Variants in CMPK1 observed in about 807,000 individuals in gnomAD.
The protein encoded by CMPK1 is UMP-CMP kinase.
Under a neutral mutation model 25.7 loss-of-function variants are expected in CMPK1, and 10 were observed. The observed-to-expected ratio is 0.39, with a 90% CI of 0.24 to 0.66. The LOEUF (loss-of-function observed/expected upper bound fraction) is 0.66, where lower values mean the gene tolerates loss of function less well. CMPK1 is among the 30% of genes least tolerant of loss of function. CMPK1 has a pLI of 0.48. For synonymous variants in CMPK1, 106 were observed against 101.5 expected (o/e 1.04, Z -0.27); for missense variants, 199 against 280.5 (o/e 0.71, Z 2.08).
intron 2 of CMPK1, among the ~76,000 whole-genome samples, chr1:47,370,003 C>T (rs1393665596): frequency 1.5e-5 from 2 of 131,208 alleles, no homozygotes; most frequent in African/African-American, 2.5e-5. Flanking sequence ...CAAGCTCCGC[C>T]TCCTGGGTTC....
intron 1 of CMPK1, among the ~76,000 whole-genome samples, chr1:47,355,474 C>T (rs1394143529): frequency 6.0e-5 from 9 of 151,254 alleles, no homozygotes; most frequent in Admixed American, 1.3e-4. Context: ...ACCACTATGC[C>T]CAGCTAATTT....
At chr1:47,360,956 A>G (rs1047211948) in intron 1 of CMPK1, among the ~76,000 whole-genome samples, 1 of 152,118 alleles carries the variant, frequency 6.6e-6, no homozygotes, top group Non-Finnish European at 1.5e-5. Context: ...AGGGCTTAAT[A>G]TTATATAGTA....
At chr1:47,341,130 T>G (rs992107913) in intron 1 of CMPK1, among the ~76,000 whole-genome samples, 1 of 152,190 alleles carries the variant, frequency 6.6e-6, no homozygotes, top group East Asian at 1.9e-4. Flanking sequence ...TTTTAAGTTA[T>G]AAGAGTAACA....
Position 47,369,048 on chromosome 1 carries a change from C to T in CMPK1, c.318+433C>T, listed in dbSNP as rs773627130. Among the ~76,000 whole-genome samples the T allele has an allele frequency of 1.2e-4, 18 of 152,298 alleles. No individual in the cohort carries two copies. In the South Asian group the frequency reaches 1.2e-3, roughly 11 times the overall value. ...TTTGAGACAGTGTCTTTGTCACCCA[C>T]GCTGGTGTGCAGTGTCCTGATCACA... On this transcript the variant is annotated intron_variant, in intron 2 of 5. Coordinates refer to ENST00000371873, the MANE Select transcript of CMPK1 (RefSeq NM_016308.3).
chr1:47,356,457 A>G lies in CMPK1; in HGVS notation c.172-12012A>G, dbSNP rs1646561484. Among the ~76,000 whole-genome samples the G allele has an allele frequency of 4.6e-5, 7 of 152,150 alleles. No individual in the cohort carries two copies. In the South Asian group the frequency reaches 1.5e-3, roughly 32 times the overall value. ...AAGGGACAAGTCCTCATTTGTAGTT[A>G]TTAATATTATTTCAGTTTTGGCCAT... On this transcript the variant is annotated intron_variant, in intron 1 of 5. Transcript: ENST00000371873.
intron 1 of CMPK1, among the ~76,000 whole-genome samples, chr1:47,347,139 C>T (rs568053446): frequency 1.3e-5 from 2 of 151,444 alleles, no homozygotes; most frequent in East Asian, 1.9e-4. Flanking sequence ...TCCTTTCTTC[C>T]CTCCTTCCCT....
intron 1 of CMPK1, among the ~76,000 whole-genome samples, chr1:47,340,149 G>A (rs1377718116): frequency 6.7e-6 from 1 of 149,512 alleles, no homozygotes; most frequent in African/African-American, 2.5e-5. Flanking sequence ...TGGCACAATC[G>A]TGGCTCATTC....
intron 1 of CMPK1, among the ~76,000 whole-genome samples, chr1:47,352,198 G>A (rs1009902783): frequency 6.6e-6 from 1 of 152,064 alleles, no homozygotes; most frequent in African/African-American, 2.4e-5. Context: ...TCTTCTTATC[G>A]AGCTGTAAGA....
chr1:47,374,620 T>C (rs757803528), intron 3 of CMPK1, among the ~76,000 whole-genome samples: 25 of 151,970 alleles, frequency 1.6e-4, no homozygotes, highest in Non-Finnish European at 1.0e-4. Context: ...ATATCTGAGA[T>C]GGAATCATAC....
Position 47,361,321 on chromosome 1 carries a change from G to A in CMPK1, c.172-7148G>A, listed in dbSNP as rs185793742. Among the ~76,000 whole-genome samples the A allele has an allele frequency of 5.2e-3, 798 of 152,262 alleles. 2 individuals are homozygous for A. Among genetic ancestry groups the A allele is most frequent in the East Asian group, 0.031 (158 of 5,170 alleles). On this transcript the variant is annotated intron_variant, in intron 1 of 5. Transcript: ENST00000371873. ...GGAGAATCACTTGAACCCAGGAGGC[G>A]GAGGTTGCAGTGAGCCGAGATCGCG...
chr1:47,372,912 T>G, intron 2 of CMPK1, 43 bp from the exon 3 acceptor site: 1 of 1,534,940 alleles, frequency 6.5e-7, no homozygotes, highest in Non-Finnish European at 8.8e-7. Context: ...GAAATTTCAT[T>G]TTGTTAATGT....
At chr1:47,354,329 AATAG>A (rs1460377557) in intron 1 of CMPK1, among the ~76,000 whole-genome samples, 1 of 152,170 alleles carries the variant, frequency 6.6e-6, no homozygotes, top group Non-Finnish European at 1.5e-5. Flanking sequence ...ACACTGCCTC[AATAG>A]ATAGATAAAG....
At chr1:47,340,614 G>A (rs981611212) in intron 1 of CMPK1, among the ~76,000 whole-genome samples, 9 of 152,034 alleles carry the variant, frequency 5.9e-5, no homozygotes, top group African/African-American at 2.2e-4. Flanking sequence ...CAGTGTTTAA[G>A]AATATGCTTC....
chr1:47,375,189 T>C lies in CMPK1; in HGVS notation c.549-8T>C, dbSNP rs1227820498. On this transcript the variant is annotated splice_polypyrimidine_tract_variant and splice_region_variant and intron_variant, in intron 4 of 5. Transcript: ENST00000371873. Reference sequence around the variant, plus strand: ...CCTAGAACCTTGCAATATTTACTTCTTTTGCAGAATTCAGACCTACCTTCA... The same window carrying C: ...CCTAGAACCTTGCAATATTTACTTCCTTTGCAGAATTCAGACCTACCTTCA... 1 of 1,598,912 alleles carries C rather than the reference T, an allele frequency of 6.3e-7. No individual in the cohort carries two copies.
chr1:47,360,442 G>T (rs1016041104), intron 1 of CMPK1, among the ~76,000 whole-genome samples: 4 of 152,154 alleles, frequency 2.6e-5, no homozygotes, highest in African/African-American at 9.7e-5. Context: ...GGGACATCCA[G>T]GCCTTACATA....
intron 3 of CMPK1, among the ~76,000 whole-genome samples, chr1:47,373,974 G>C (rs1646692387): frequency 6.6e-6 from 1 of 152,218 alleles, no homozygotes; most frequent in African/African-American, 2.4e-5. Flanking sequence ...GCCTGAAGTA[G>C]TTAGTACCTT....
intron 1 of CMPK1, among the ~76,000 whole-genome samples, chr1:47,335,661 A>C (rs1302151031): frequency 1.4e-5 from 2 of 147,054 alleles, no homozygotes; most frequent in Non-Finnish European, 3.0e-5. Flanking sequence ...AAAAAAAATC[A>C]TTTTAGGTGT....
Position 47,364,061 on chromosome 1 carries a change from C to T in CMPK1, c.172-4408C>T, listed in dbSNP as rs117245217. ...CAGACTGGTGCATCTGGATGACCTCCCCCCATAGTACCTGCAGCATTTTGG... is the reference window on the plus strand; with the variant it reads ...CAGACTGGTGCATCTGGATGACCTCTCCCCATAGTACCTGCAGCATTTTGG... On this transcript the variant is annotated intron_variant, in intron 1 of 5. Transcript: ENST00000371873. Among the ~76,000 whole-genome samples, 34 of 152,178 alleles carry T rather than the reference C, an allele frequency of 2.2e-4. 1 individual carries two copies. In the East Asian group the frequency reaches 6.6e-3, roughly 29 times the overall value.
chr1:47,369,391 C>T (rs544440686), intron 2 of CMPK1, among the ~76,000 whole-genome samples: 134 of 152,234 alleles, frequency 8.8e-4, no homozygotes, highest in South Asian at 5.4e-3. Context: ...GGGAAGAAAG[C>T]GGACAGTGGC....
Sources: gnomAD v4.1 joint callset for allele counts (sites outside exome capture counted in the v4.1 genomes callset) on GRCh38, gnomAD v4.1.1 for gene constraint, MANE v1.5 for transcripts, NCBI Gene and HGNC (gene_info 2026-07-23, HGNC 2026-07-21) for gene names.